LYL1: variants seen among roughly 807,000 people sequenced by gnomAD.
The protein encoded by LYL1 is protein lyl-1.
A neutral mutation model predicts 11.1 loss-of-function variants in LYL1; 4 were observed. That is an observed-to-expected ratio of 0.36 (90% confidence interval 0.18 to 0.82). The LOEUF is 0.82. LYL1 is among the 40% of genes least tolerant of loss of function. LYL1 has a pLI of 0.49. For missense variants in LYL1, 356 were observed against 397.6 expected (o/e 0.90, Z 0.89); for synonymous variants, 179 against 174.8 (o/e 1.02, Z -0.19).
chr19:13,099,213 G>T lies in LYL1; in HGVS notation c.*106C>A. ...CTGACGTCTTCACTGGTCCTTCTTC[G>T]GGGGAGTTCGCTCCCGAACATGCGC... On this transcript the variant is annotated 3_prime_UTR_variant, in exon 4 of 4. Transcript: ENST00000264824. This position sits in a 1 kb window ranked among gnomAD's most constrained non-coding sequence, Gnocchi z 5.3. The T allele has an allele frequency of 9.3e-7, 1 of 1,071,048 alleles. No individual in the cohort carries two copies. Among genetic ancestry groups the T allele is most frequent in the Non-Finnish European group, 1.2e-6 (1 of 843,706 alleles). The allele number at this position is 1,071,048 out of a possible 1,614,324, so 66.3% of individuals were successfully genotyped here. A position where few individuals can be genotyped will look rare whatever the true frequency, so the allele number is the denominator to read the frequency against.
Position 13,101,097 on chromosome 19 carries a change from G to T in LYL1, c.75C>A (p.Ser25Arg). Reference protein sequence around the residue: ...TEKAEMVCAPSPAPAPPPKPA... With the variant: ...TEKAEMVCAPRPAPAPPPKPA... ...GCTTAGGGGGTGGGGCAGGCGCTGG[G>T]CTGGGGGCACACACCATCTCTGCCT... The change falls in exon 2 of 4, where the codon AGC becomes AGA. Residue 25 changes from serine to arginine, a missense_variant. Coordinates refer to ENST00000264824, the MANE Select transcript of LYL1 (RefSeq NM_005583.5). This position sits in a 1 kb window ranked among gnomAD's most constrained non-coding sequence, Gnocchi z 5.1. 1 of 1,490,180 alleles carries T rather than the reference G, an allele frequency of 6.7e-7. No individual in the cohort carries two copies. The allele number at this position is 1,490,180 out of a possible 1,614,324, so 92.3% of individuals were successfully genotyped here. A position where few individuals can be genotyped will look rare whatever the true frequency, so the allele number is the denominator to read the frequency against.
chr19:13,100,848 G>C lies in LYL1; in HGVS notation c.324C>G (p.Pro108=), dbSNP rs1431077381. The C allele has an allele frequency of 1.3e-6, 2 of 1,578,696 alleles. No homozygotes were observed. Among genetic ancestry groups the C allele is most frequent in the Non-Finnish European group, 1.7e-6 (2 of 1,162,536 alleles). Residue 108 remains proline, a synonymous_variant, in exon 2 of 4, where the codon CCC becomes CCG. Transcript: ENST00000264824. ...AGATCCCCACTGACCTGTTGAGGAA[G>C]GGGTGAGGGTGGTAGTGCAGGGCCA... is the stretch of plus-strand genomic sequence containing the variant. ...PTLALHYHPH[P]FLNSVYIGPA... is the part of the protein sequence containing the mutation.
At position 13,101,278 on chromosome 19, in the gene LYL1, G is replaced by T; in HGVS notation, c.-24-83C>A. 12 of 457,268 alleles carry T rather than the reference G, an allele frequency of 2.6e-5. No individual in the cohort carries two copies. Among genetic ancestry groups the T allele is most frequent in the East Asian group, 3.6e-5 (1 of 27,780 alleles). 28.3% of individuals were successfully genotyped at this position (457,268 alleles called of 1,614,324 possible). A position where few individuals can be genotyped will look rare whatever the true frequency, so the allele number is the denominator to read the frequency against. On this transcript the variant is annotated intron_variant, in intron 1 of 3. Transcript: ENST00000264824. This position sits in a 1 kb window ranked among gnomAD's most constrained non-coding sequence, Gnocchi z 5.1. ...TTAGCTCAAGAAACCCCTCAAATGGGAAGGAGGGAGGGGGAGGGGGAAAGG... is the reference window on the plus strand; with the variant it reads ...TTAGCTCAAGAAACCCCTCAAATGGTAAGGAGGGAGGGGGAGGGGGAAAGG...
chr19:13,100,467 C>G (rs1007160535), intron 3 of LYL1, among the ~76,000 whole-genome samples, 190 bp downstream of exon 3: 3 of 152,172 alleles, frequency 2.0e-5, no homozygotes, highest in African/African-American at 7.2e-5. Context: ...GTGGGGCTGG[C>G]TATGGGACTG....
chr19:13,099,351 C>G lies in LYL1; in HGVS notation c.811G>C (p.Glu271Gln). ...ACCTCTGGGCTCAAAGCGGTTTGCT[C>G]CATCTTGATGGGCCGGGCCGCTCCA... ...PGGAARPIKM[E>Q]QTALSPEVR Residue 271 changes from glutamate (E) to glutamine (Q), a missense_variant, in exon 4 of 4, where the codon GAG (glutamate) becomes CAG (glutamine). Physicochemically the swap from Glu to Gln is conservative, Grantham distance 29. Coordinates refer to ENST00000264824, the MANE Select transcript of LYL1 (RefSeq NM_005583.5). The surrounding 1 kb of genome is among the most constrained non-coding windows in gnomAD (Gnocchi z 5.3). 6.2e-6 allele frequency: 8 copies of G among 1,284,946 alleles called. No homozygotes were observed. Among genetic ancestry groups the G allele is most frequent in the Non-Finnish European group, 7.9e-6 (8 of 1,014,176 alleles). 79.6% of individuals were successfully genotyped at this position (1,284,946 alleles called of 1,614,324 possible).
chr19:13,102,403 G>A lies in LYL1; in HGVS notation c.-25+128C>T, dbSNP rs755627933. The A allele has an allele frequency of 4.6e-5, 9 of 195,642 alleles. No homozygotes were observed. Among genetic ancestry groups the A allele is most frequent in the Admixed American group, 1.2e-4 (2 of 16,408 alleles). The allele number at this position is 195,642 out of a possible 1,614,324, so 12.1% of individuals were successfully genotyped here. On this transcript the variant is annotated intron_variant, in intron 1 of 3. Coordinates refer to ENST00000264824, the MANE Select transcript of LYL1 (RefSeq NM_005583.5). The surrounding 1 kb of genome is among the most constrained non-coding windows in gnomAD (Gnocchi z 4.9). Reference sequence around the variant, plus strand: ...CCCTGTCTTCCTCAGCTAGGCCCTGGGGAAGCAGGCCTGGCCCCTCACTAG... The same window carrying A: ...CCCTGTCTTCCTCAGCTAGGCCCTGAGGAAGCAGGCCTGGCCCCTCACTAG...
Position 13,100,904 on chromosome 19 carries a change from G to C in LYL1, c.268C>G (p.Leu90Val). Residue 90 changes from leucine to valine, a missense_variant, in exon 2 of 4, where the codon CTC becomes GTC. Leu to Val is a conservative substitution (Grantham distance 32, BLOSUM62 1). Transcript: ENST00000264824. ...GGCGGGGCAGTTCCCAGGGTGGAGA[G>C]TTGCAGCAGCGGGGGCCGCAGAGTG... ...LGTLRPPLLQ[L>V]STLGTAPPTL... The C allele has an allele frequency of 6.4e-7, 1 of 1,557,210 alleles. No individual in the cohort carries two copies. The highest frequency in any genetic ancestry group is 8.7e-7 in the Non-Finnish European group (1 of 1,150,548).
Position 13,099,371 on chromosome 19 carries a change from G to T in LYL1, c.791C>A (p.Ala264Glu). Residue 264 changes from alanine (A) to glutamate (E), a missense_variant, in exon 4 of 4, where the codon GCG becomes GAG. By Grantham distance (107) the Ala-to-Glu change is moderately radical (BLOSUM62 -1). Coordinates refer to ENST00000264824, the MANE Select transcript of LYL1 (RefSeq NM_005583.5). The surrounding 1 kb of genome is among the most constrained non-coding windows in gnomAD (Gnocchi z 5.3). The stretch of plus-strand genomic sequence containing the variant: ...TTGCTCCATCTTGATGGGCCGGGCC[G>T]CTCCACCGGGGCTGCCGTCGGGGTC... ...PADPDGSPGG[A>E]ARPIKMEQTA... 7.9e-7 allele frequency: 1 copy of T among 1,273,448 alleles called. No individual in the cohort carries two copies. 78.9% of individuals were successfully genotyped at this position (1,273,448 alleles called of 1,614,324 possible). A position where few individuals can be genotyped will look rare whatever the true frequency, so the allele number is the denominator to read the frequency against.
Position 13,099,680 on chromosome 19 carries a change from C to T in LYL1, c.482G>A (p.Trp161Ter). 1 of 1,547,442 alleles carries T rather than the reference C, an allele frequency of 6.5e-7. No homozygotes were observed. The highest frequency in any genetic ancestry group is 2.5e-5 in the East Asian group (1 of 40,718). ...RRVFTNSRER[W>*]RQQNVNGAFA... is the part of the protein sequence containing the mutation. ...GGCGCCGTTAACGTTCTGCTGCCGC[C>T]AGCGCTCCCGGCTGTTGGTGAACAC... The change falls in exon 4 of 4, where the codon TGG becomes TAG. Residue 161 changes from tryptophan to a stop codon, truncating the protein, a stop_gained. Coordinates refer to ENST00000264824, the MANE Select transcript of LYL1 (RefSeq NM_005583.5). LOFTEE classifies it low-confidence loss of function (END_TRUNC). This position sits in a 1 kb window ranked among gnomAD's most constrained non-coding sequence, Gnocchi z 5.3.
rs186712016 is a variant in LYL1 at position 13,100,798 on chromosome 19, C to T, written c.335+39G>A. On this transcript the variant is annotated intron_variant, in intron 2 of 3. Coordinates refer to ENST00000264824, the MANE Select transcript of LYL1 (RefSeq NM_005583.5). Reference sequence around the variant, plus strand: ...TGCCTTGTGGGCAAGGACCCTGGCCCCCAATCCCCACTGCCCCCCACCCCA... The same window carrying T: ...TGCCTTGTGGGCAAGGACCCTGGCCTCCAATCCCCACTGCCCCCCACCCCA... 1.4e-3 allele frequency: 2,324 copies of T among 1,611,508 alleles called. 23 individuals carry two copies. Among genetic ancestry groups the T allele is most frequent in the East Asian group, 4.7e-4 (21 of 44,822 alleles).
chr19:13,101,341 G>A lies in LYL1; in HGVS notation c.-24-146C>T, dbSNP rs887234417. On this transcript the variant is annotated intron_variant, in intron 1 of 3. Coordinates refer to ENST00000264824, the MANE Select transcript of LYL1 (RefSeq NM_005583.5). This position sits in a 1 kb window ranked among gnomAD's most constrained non-coding sequence, Gnocchi z 5.1. ...GTTTCAGTAGGCAAAGGCAGATGGC[G>A]GGGGCAGGCCCAGAAACTTCCAGGA... is the stretch of plus-strand genomic sequence containing the variant. 1.4e-5 allele frequency: 6 copies of A among 416,744 alleles called. No individual in the cohort carries two copies. Among genetic ancestry groups the A allele is most frequent in the South Asian group, 1.4e-4 (2 of 14,004 alleles). The allele number at this position is 416,744 out of a possible 1,614,324, so 25.8% of individuals were successfully genotyped here.
In LYL1 at chr19:13,100,747, C is replaced by T. The variant is rs755248484; in HGVS notation, c.337G>A (p.Val113Ile). 6 of 1,614,132 alleles carry T rather than the reference C, an allele frequency of 3.7e-6. No individual in the cohort carries two copies. In the South Asian group the frequency reaches 5.5e-5, roughly 15 times the overall value. The change falls in exon 3 of 4, where the codon GTC (valine) becomes ATC (isoleucine). Residue 113 changes from valine (V) to isoleucine (I), a missense_variant and splice_region_variant. Coordinates refer to ENST00000264824, the MANE Select transcript of LYL1 (RefSeq NM_005583.5). ...AAAGGTCCTGCTGGCCCAATGTAGA[C>T]ACTGTAAGGGGTCGTGGGTCACTAA... ...HYHPHPFLNS[V>I]YIGPAGPFSI...
chr19:13,101,375 G>A lies in LYL1; in HGVS notation c.-24-180C>T. ...CCCAGAAACTTCCAGGACACGGGAG[G>A]GGGGTCCTACGTTAGAGTAGGAGGC... On this transcript the variant is annotated intron_variant, in intron 1 of 3. Coordinates refer to ENST00000264824, the MANE Select transcript of LYL1 (RefSeq NM_005583.5). This position sits in a 1 kb window ranked among gnomAD's most constrained non-coding sequence, Gnocchi z 5.1. 2.4e-6 allele frequency: 1 copy of A among 414,296 alleles called. No individual in the cohort carries two copies. The highest frequency in any genetic ancestry group is 4.3e-6 in the Non-Finnish European group (1 of 234,546). 25.7% of individuals were successfully genotyped at this position (414,296 alleles called of 1,614,324 possible). A position where few individuals can be genotyped will look rare whatever the true frequency, so the allele number is the denominator to read the frequency against.
Position 13,099,724 on chromosome 19 carries a change from G to A in LYL1, c.438C>T (p.Pro146=). The change falls in exon 4 of 4, where the codon CCC becomes CCT. Residue 146 remains proline (P), a synonymous_variant. Transcript: ENST00000264824. This position sits in a 1 kb window ranked among gnomAD's most constrained non-coding sequence, Gnocchi z 5.3. ...TGAACACGCGCCGGGCCACCTTCTGGGGCTGGTGCCCTGTGGACAAGGAGG... is the reference window on the plus strand; with the variant it reads ...TGAACACGCGCCGGGCCACCTTCTGAGGCTGGTGCCCTGTGGACAAGGAGG... ...CELDLAEGHQ[P]QKVARRVFTN... 6.6e-7 allele frequency: 1 copy of A among 1,510,334 alleles called. No homozygotes were observed. The highest frequency in any genetic ancestry group is 8.9e-7 in the Non-Finnish European group (1 of 1,125,388). The allele number at this position is 1,510,334 out of a possible 1,614,324, so 93.6% of individuals were successfully genotyped here. A position where few individuals can be genotyped will look rare whatever the true frequency, so the allele number is the denominator to read the frequency against.
At position 13,102,081 on chromosome 19, in the gene LYL1, C is replaced by T. The variant is rs1223014276; in HGVS notation, c.-25+450G>A. 4.6e-6 allele frequency: 1 copy of T among 215,120 alleles called. No individual in the cohort carries two copies. The highest frequency in any genetic ancestry group is 9.4e-6 in the Non-Finnish European group (1 of 106,602). 13.3% of individuals were successfully genotyped at this position (215,120 alleles called of 1,614,324 possible). The stretch of plus-strand genomic sequence containing the variant: ...CAAATTCCTGGGCTCGAGCCATCCT[C>T]CTGTCTCAGCCTCCTGAGTAGCTGA... On this transcript the variant is annotated intron_variant, in intron 1 of 3. Transcript: ENST00000264824. This position sits in a 1 kb window ranked among gnomAD's most constrained non-coding sequence, Gnocchi z 4.9.
At position 13,101,009 on chromosome 19, in the gene LYL1, T is replaced by TG; in HGVS notation, c.162dup (p.Arg55GlnfsTer68). ...ATCACTGGTACACCAGGTGGCAGCC[T>TG]GGGGGGCGAGGAGCCTCCTCGGTGG... is the stretch of plus-strand genomic sequence containing the variant. On this transcript the variant is annotated frameshift_variant, in exon 2 of 4. Coordinates refer to ENST00000264824, the MANE Select transcript of LYL1 (RefSeq NM_005583.5). LOFTEE classifies it high-confidence loss of function. This position sits in a 1 kb window ranked among gnomAD's most constrained non-coding sequence, Gnocchi z 5.1. The TG allele has an allele frequency of 1.4e-6, 2 of 1,473,188 alleles. No homozygotes were observed. The highest frequency in any genetic ancestry group is 9.0e-7 in the Non-Finnish European group (1 of 1,112,720). 91.3% of individuals were successfully genotyped at this position (1,473,188 alleles called of 1,614,324 possible).
chr19:13,100,391 T>C (rs2145562715), intron 3 of LYL1, among the ~76,000 whole-genome samples: 1 of 152,306 alleles, frequency 6.6e-6, no homozygotes, highest in African/African-American at 2.4e-5. Flanking sequence ...CATGCCCTGG[T>C]GTGGCATGCT....
Position 13,099,712 on chromosome 19 carries a change from G to C in LYL1, c.450C>G (p.Ala150=), listed in dbSNP as rs1427303777. 1 of 1,536,778 alleles carries C rather than the reference G, an allele frequency of 6.5e-7. No individual in the cohort carries two copies. The highest frequency in any genetic ancestry group is 8.8e-7 in the Non-Finnish European group (1 of 1,140,122). The change falls in exon 4 of 4, where the codon GCC becomes GCG. Residue 150 remains alanine (A), a synonymous_variant. Coordinates refer to ENST00000264824, the MANE Select transcript of LYL1 (RefSeq NM_005583.5). This position sits in a 1 kb window ranked among gnomAD's most constrained non-coding sequence, Gnocchi z 5.3. The stretch of plus-strand genomic sequence containing the variant: ...CCCGGCTGTTGGTGAACACGCGCCG[G>C]GCCACCTTCTGGGGCTGGTGCCCTG... ...LAEGHQPQKV[A]RRVFTNSRER...
chr19:13,099,770 C>G lies in LYL1; in HGVS notation c.428-36G>C, dbSNP rs889703303. 20 of 1,391,136 alleles carry G rather than the reference C, an allele frequency of 1.4e-5. No homozygotes were observed. Among genetic ancestry groups the G allele is most frequent in the Non-Finnish European group, 1.9e-5 (20 of 1,065,218 alleles). The allele number at this position is 1,391,136 out of a possible 1,614,324, so 86.2% of individuals were successfully genotyped here. ...GGAGGGCCGGGTTGGTGCCATGGCC[C>G]AAAGGGCGGCCCCTCCTGCCCTCCC... is the stretch of plus-strand genomic sequence containing the variant. On this transcript the variant is annotated intron_variant, in intron 3 of 3. Transcript: ENST00000264824. This position sits in a 1 kb window ranked among gnomAD's most constrained non-coding sequence, Gnocchi z 5.3.
Sources: gnomAD v4.1 joint callset for allele counts (sites outside exome capture counted in the v4.1 genomes callset) on GRCh38, gnomAD v4.1.1 for gene constraint, Gnocchi (gnomAD v3.1) non-coding constraint, MANE v1.5 for transcripts, NCBI Gene and HGNC (gene_info 2026-07-23, HGNC 2026-07-21) for gene names.